RNGTT: variants seen among roughly 807,000 people sequenced by gnomAD.
RNGTT encodes mRNA-capping enzyme.
A neutral mutation model predicts 79.3 loss-of-function variants in RNGTT; 33 were observed. That is an observed-to-expected ratio of 0.42 (90% confidence interval 0.32 to 0.56). RNGTT has a LOEUF of 0.56. RNGTT is among the 20% of genes least tolerant of loss of function. The pLI is 0.17. For missense variants in RNGTT, 497 were observed against 739.1 expected, an observed-to-expected ratio of 0.67 and a Z score of 3.80; for synonymous variants, 222 against 235.9, an observed-to-expected ratio of 0.94 and a Z score of 0.54.
intron 14 of RNGTT, among the ~76,000 whole-genome samples, chr6:88,642,939 T>C (rs1454149956): frequency 6.6e-6 from 1 of 152,214 alleles, no homozygotes; most frequent in Non-Finnish European, 1.5e-5. Context: ...TCAACGCAAA[T>C]GTCTAACCTT....
At position 88,773,912 on chromosome 6, in the gene RNGTT, G is replaced by T. The variant is rs376474839; in HGVS notation, c.1339-4038C>A. On this transcript the variant is annotated intron_variant, in intron 12 of 15. Coordinates refer to ENST00000369485, the MANE Select transcript of RNGTT (RefSeq NM_003800.5). Reference sequence around the variant, plus strand: ...TCTTAGATTTGGCAGTAGATTTTTAGTTTTGACACCAAAAGCATAAGCAAC... The same window carrying T: ...TCTTAGATTTGGCAGTAGATTTTTATTTTTGACACCAAAAGCATAAGCAAC... 7.9e-5 allele frequency among the ~76,000 whole-genome samples: 12 copies of T among 152,218 alleles called. No homozygotes were observed. The East Asian group carries it at 2.3e-3, about 29-fold the overall frequency.
At chr6:88,802,192 C>T (rs1211325818) in intron 11 of RNGTT, among the ~76,000 whole-genome samples, 2 of 152,188 alleles carry the variant, frequency 1.3e-5, no homozygotes, top group Non-Finnish European at 2.9e-5. Context: ...CACAAACCAG[C>T]TCAAACATGG....
chr6:88,645,802 T>C (rs1404773737), intron 14 of RNGTT, among the ~76,000 whole-genome samples: 1 of 152,250 alleles, frequency 6.6e-6, no homozygotes, highest in Non-Finnish European at 1.5e-5. Flanking sequence ...GCTAGCCATA[T>C]GTAGAAAGCT....
At chr6:88,764,735 T>G (rs1378894826) in intron 13 of RNGTT, among the ~76,000 whole-genome samples, 1 of 152,180 alleles carries the variant, frequency 6.6e-6, no homozygotes, top group Non-Finnish European at 1.5e-5. Flanking sequence ...ACATCTCTCC[T>G]TTCACAAAAT....
At chr6:88,869,128 T>C (rs923217438) in intron 8 of RNGTT, among the ~76,000 whole-genome samples, 6 of 152,174 alleles carry the variant, frequency 3.9e-5, no homozygotes, top group African/African-American at 1.4e-4. Flanking sequence ...TATTGCTTCA[T>C]GCACAAAGGA....
intron 14 of RNGTT, among the ~76,000 whole-genome samples, chr6:88,636,829 T>C (rs1040830741): frequency 6.6e-6 from 1 of 151,818 alleles, no homozygotes; most frequent in African/African-American, 2.4e-5. Flanking sequence ...TAGCAGGCAG[T>C]TTAAGGACAA....
At chr6:88,950,539 G>A (rs12191586) in intron 1 of RNGTT, among the ~76,000 whole-genome samples, 1,956 of 152,298 alleles carry the variant, frequency 0.013, 14 homozygotes, top group Admixed American at 0.019. Flanking sequence ...ATTCATAGGA[G>A]AAAGTCAAAA....
At chr6:88,924,907 G>A (rs1255213781) in intron 4 of RNGTT, among the ~76,000 whole-genome samples, 1 of 151,862 alleles carries the variant, frequency 6.6e-6, no homozygotes, top group Non-Finnish European at 1.5e-5. Flanking sequence ...TATTTACAGA[G>A]ACAGGGTCTC....
At chr6:88,697,888 T>TA (rs1209065358) in intron 13 of RNGTT, among the ~76,000 whole-genome samples, 70 of 82,108 alleles carry the variant, frequency 8.5e-4, no homozygotes, top group African/African-American at 4.9e-3. Flanking sequence ...AATATATATA[T>TA]GATATATATA....
intron 13 of RNGTT, among the ~76,000 whole-genome samples, chr6:88,715,585 C>G (rs146059127): frequency 0.013 from 2,042 of 152,218 alleles, 43 homozygotes; most frequent in African/African-American, 0.046. Context: ...GCTACAGTAA[C>G]CAAAACAGCA....
At chr6:88,921,554 A>G (rs183788383) in intron 4 of RNGTT, among the ~76,000 whole-genome samples, 31 of 152,236 alleles carry the variant, frequency 2.0e-4, no homozygotes, top group African/African-American at 7.5e-4. Context: ...AGATGTTTTC[A>G]ATTTTTACCA....
At chr6:88,706,759 C>T (rs971725649) in intron 13 of RNGTT, among the ~76,000 whole-genome samples, 1 of 152,006 alleles carries the variant, frequency 6.6e-6, no homozygotes, top group African/African-American at 2.4e-5. Flanking sequence ...ACTTCTTTAA[C>T]TTAGCTTGAC....
intron 12 of RNGTT, among the ~76,000 whole-genome samples, chr6:88,786,436 C>G (rs1779231553): frequency 6.6e-6 from 1 of 152,066 alleles, no homozygotes; most frequent in Non-Finnish European, 1.5e-5. Context: ...CAAATCATCA[C>G]GTTAAAATAT....
chr6:88,660,321 G>A (rs1416720884), intron 14 of RNGTT, among the ~76,000 whole-genome samples: 1 of 152,146 alleles, frequency 6.6e-6, no homozygotes, highest in African/African-American at 2.4e-5. Context: ...AACATTGAAT[G>A]TAAATGGCCA....
chr6:88,631,497 T>C (rs903766578), intron 14 of RNGTT, among the ~76,000 whole-genome samples: 5 of 152,172 alleles, frequency 3.3e-5, no homozygotes, highest in Admixed American at 6.5e-5. Context: ...AGGGAGCACT[T>C]ATATGCAGAT....
At chr6:88,694,423 TA>T (rs1238393289) in intron 13 of RNGTT, among the ~76,000 whole-genome samples, 5 of 152,138 alleles carry the variant, frequency 3.3e-5, no homozygotes, top group African/African-American at 9.6e-5. Flanking sequence ...CGAAAAATTA[TA>T]AAACACTGAT....
intron 13 of RNGTT, among the ~76,000 whole-genome samples, chr6:88,747,209 G>T (rs1777688598): frequency 6.6e-6 from 1 of 152,124 alleles, no homozygotes; most frequent in African/African-American, 2.4e-5. Flanking sequence ...GAAAGAAGCA[G>T]GAATGGTGAT....
At chr6:88,656,800 T>C (rs1433943107) in intron 14 of RNGTT, among the ~76,000 whole-genome samples, 2 of 148,490 alleles carry the variant, frequency 1.3e-5, no homozygotes, top group African/African-American at 2.5e-5. Context: ...AAAAAGTAAG[T>C]TGAGGAAGGC....
chr6:88,710,805 C>T (rs568326715), intron 13 of RNGTT, among the ~76,000 whole-genome samples: 1 of 152,138 alleles, frequency 6.6e-6, no homozygotes, highest in Admixed American at 6.5e-5. Context: ...TATAGCTTTC[C>T]AAACACTCAA....
Sources: gnomAD v4.1 joint callset for allele counts (sites outside exome capture counted in the v4.1 genomes callset) on GRCh38, gnomAD v4.1.1 for gene constraint, MANE v1.5 for transcripts, NCBI Gene and HGNC (gene_info 2026-07-23, HGNC 2026-07-21) for gene names.